CFAP54: variants seen among roughly 807,000 people sequenced by gnomAD.
The protein encoded by CFAP54 is cilia- and flagella-associated protein 54.
CFAP54 carries 290 observed loss-of-function variants against 370.4 expected under a neutral mutation model. That is an observed-to-expected ratio of 0.78 (90% CI 0.71 to 0.86). CFAP54 has a LOEUF of 0.86. CFAP54 is among the 40% of genes least tolerant of loss of function. The pLI is 0.00. For missense variants in CFAP54, 3,399 were observed against 3,528.7 expected (o/e 0.96, Z 0.93); for synonymous variants, 1,206 against 1,236.5 (o/e 0.98, Z 0.52).
At chr12:96,863,785 A>G (rs754565098) in intron 67 of CFAP54, among the ~76,000 whole-genome samples, 6 of 152,030 alleles carry the variant, frequency 3.9e-5, no homozygotes, top group Non-Finnish European at 8.8e-5. Context: ...CAACTATTGC[A>G]GATAACATTT....
Position 96,743,553 on chromosome 12 carries a change from C to G in CFAP54, c.7371C>G (p.Asn2457Lys). ...ATTTAAAGGCAGACATCATGACAAA[C>G]CTTCAGGTAGAAAGGAAACTTTGTT... ...EKHLKADIMT[N>K]LQDIIHLLEG... Residue 2457 changes from asparagine to lysine, a missense_variant, in exon 53 of 68, where the codon AAC becomes AAG. This residue lies in a region of CFAP54 where 2,796 missense variants were observed against 2,869.7 expected (regional missense o/e 0.97). Transcript: ENST00000524981. 1 of 1,613,848 alleles carries G rather than the reference C, an allele frequency of 6.2e-7. No homozygotes were observed. The highest frequency in any genetic ancestry group is 8.5e-7 in the Non-Finnish European group (1 of 1,179,888).
At chr12:96,746,922 A>T (rs966499197) in intron 55 of CFAP54, among the ~76,000 whole-genome samples, 4 of 152,204 alleles carry the variant, frequency 2.6e-5, no homozygotes, top group Non-Finnish European at 5.9e-5. Context: ...TCAGTTAAGC[A>T]TCACTGCTTC....
At chr12:96,502,396 TAAAAAAA>T (rs535053383) in intron 2 of CFAP54, among the ~76,000 whole-genome samples, 1 of 68,596 alleles carries the variant, frequency 1.5e-5, no homozygotes, top group Non-Finnish European at 2.6e-5. Context: ...ACACTGTCCC[TAAAAAAA>T]AAAAAAAAAA....
chr12:96,671,218 C>T (rs1010585511), intron 39 of CFAP54, among the ~76,000 whole-genome samples: 2 of 152,112 alleles, frequency 1.3e-5, no homozygotes, highest in South Asian at 4.1e-4. Context: ...GTGATCCACT[C>T]GCCTTGGCCT....
At chr12:96,585,039 CTTT>C (rs11284282) in intron 22 of CFAP54, among the ~76,000 whole-genome samples, 1 of 146,942 alleles carries the variant, frequency 6.8e-6, no homozygotes, top group Non-Finnish European at 1.5e-5. Context: ...CTCTCTCTCT[CTTT>C]TTTTTTTTTT....
At chr12:96,512,901 C>G in intron 4 of CFAP54, 85 bp from the exon 5 acceptor site, 1 of 800,778 alleles carries the variant, frequency 1.2e-6, no homozygotes, top group East Asian at 3.1e-5. Context: ...GTTTTGGGAA[C>G]TACAGACTTG....
intron 67 of CFAP54, among the ~76,000 whole-genome samples, chr12:96,867,380 G>A (rs901035147): frequency 6.6e-6 from 1 of 152,120 alleles, no homozygotes; most frequent in African/African-American, 2.4e-5. Flanking sequence ...GCTCACATCT[G>A]ATCCAGCGAT....
At chr12:96,608,459 C>CTTTTTT (rs5800258) in intron 26 of CFAP54, among the ~76,000 whole-genome samples, 3 of 107,000 alleles carry the variant, frequency 2.8e-5, no homozygotes, top group Non-Finnish European at 5.3e-5. Context: ...CATAGTAGGA[C>CTTTTTT]TTTTTTTTTT....
At chr12:96,712,690 C>G (rs1410619481) in intron 48 of CFAP54, among the ~76,000 whole-genome samples, 1 of 152,094 alleles carries the variant, frequency 6.6e-6, no homozygotes, top group Non-Finnish European at 1.5e-5. Context: ...ATCTCCCCTT[C>G]CCAGCCTCTA....
chr12:96,745,021 G>A (rs10777809), intron 55 of CFAP54, among the ~76,000 whole-genome samples: 8,845 of 152,126 alleles, frequency 0.058, 713 homozygotes, highest in East Asian at 0.44. Flanking sequence ...ACATGATCTC[G>A]TTCCTTTTTA....
At chr12:96,789,295 G>A (rs1367688564) in intron 62 of CFAP54, among the ~76,000 whole-genome samples, 2 of 152,324 alleles carry the variant, frequency 1.3e-5, no homozygotes, top group African/African-American at 2.4e-5. Context: ...ATGGGAAGGA[G>A]TGAGTGAGGA....
intron 48 of CFAP54, among the ~76,000 whole-genome samples, chr12:96,715,883 T>C (rs1303979375): frequency 6.6e-6 from 1 of 152,188 alleles, no homozygotes; most frequent in Non-Finnish European, 1.5e-5. Context: ...GTTCCCTTCC[T>C]GGAGTTCACA....
intron 26 of CFAP54, among the ~76,000 whole-genome samples, chr12:96,602,620 C>A (rs1956255602): frequency 6.6e-6 from 1 of 152,154 alleles, no homozygotes; most frequent in South Asian, 2.1e-4. Flanking sequence ...TAAGGACTTG[C>A]TTTATGAATC....
Position 96,610,197 on chromosome 12 carries a change from A to G in CFAP54, c.3640-11393A>G, listed in dbSNP as rs533315607. The stretch of plus-strand genomic sequence containing the variant: ...TATGACAAAGGTAGCAATTTGATTC[A>G]TTGAGAAAATGATAGTGTGTTATAA... On this transcript the variant is annotated intron_variant, in intron 26 of 67. Coordinates refer to ENST00000524981, the MANE Select transcript of CFAP54 (RefSeq NM_001306084.2). 2.6e-5 allele frequency among the ~76,000 whole-genome samples: 4 copies of G among 152,372 alleles called. No homozygotes were observed. The South Asian group carries it at 6.2e-4, about 24-fold the overall frequency.
chr12:96,804,883 G>T (rs1565984261), intron 63 of CFAP54, among the ~76,000 whole-genome samples: 1 of 152,054 alleles, frequency 6.6e-6, no homozygotes, highest in Non-Finnish European at 1.5e-5. Flanking sequence ...AATGGTACTG[G>T]TATAAAAAAT....
intron 58 of CFAP54, among the ~76,000 whole-genome samples, 159 bp downstream of exon 58, chr12:96,757,747 A>G (rs1040264859): frequency 2.0e-5 from 3 of 152,162 alleles, no homozygotes; most frequent in African/African-American, 7.2e-5. Flanking sequence ...TTACAAAGAG[A>G]TATCTCTTTG....
At chr12:96,852,287 G>A (rs1292888379) in intron 66 of CFAP54, among the ~76,000 whole-genome samples, 1 of 152,058 alleles carries the variant, frequency 6.6e-6, no homozygotes, top group Non-Finnish European at 1.5e-5. Context: ...AGGTAGGTAG[G>A]TGGGTAGGTA....
chr12:96,829,527 A>G (rs1209867425), intron 66 of CFAP54, among the ~76,000 whole-genome samples: 2 of 152,018 alleles, frequency 1.3e-5, no homozygotes, highest in Admixed American at 6.6e-5. Context: ...ATGCCTGCAT[A>G]ATGGTTTCTT....
chr12:96,624,546 T>G (rs1956531147), intron 28 of CFAP54, among the ~76,000 whole-genome samples: 1 of 152,216 alleles, frequency 6.6e-6, no homozygotes, highest in South Asian at 2.1e-4. Flanking sequence ...GTTTGCAGCC[T>G]GGAAGGTTAC....
Sources: allele counts gnomAD v4.1 joint callset (sites outside exome capture counted in the v4.1 genomes callset), GRCh38; gene constraint gnomAD v4.1.1; regional missense constraint gnomAD v4.1.1; transcripts MANE v1.5; gene names NCBI Gene and HGNC (gene_info 2026-07-23, HGNC 2026-07-21).